Variants in DMD observed in about 807,000 individuals in gnomAD.
DMD encodes mutant dystrophin.
A neutral mutation model predicts 330.1 loss-of-function variants in DMD; 63 were observed. The observed-to-expected ratio is 0.19, with a 90% CI of 0.16 to 0.24. The LOEUF is 0.24. Ranked by LOEUF, DMD falls within the 10% of genes least tolerant of loss-of-function variation. The probability of loss-of-function intolerance (pLI) is 1.00; values close to 1 mark genes in which losing one functional copy is unlikely to be tolerated. For missense variants in DMD, 3,344 were observed against 2,684.1 expected (o/e 1.25, Z -5.43); for synonymous variants, 1,223 against 959.8 (o/e 1.27, Z -5.07).
intron 42 of DMD, among the ~76,000 whole-genome samples, chrX:32,289,736 T>C (rs1053097320): frequency 9.0e-6 from 1 of 111,612 alleles, no homozygotes; most frequent in East Asian, 2.8e-4. Flanking sequence ...TACAAATGCA[T>C]GGCAATGTCA....
intron 37 of DMD, among the ~76,000 whole-genome samples, chrX:32,356,042 A>G (rs983186356): frequency 3.6e-5 from 4 of 110,991 alleles, no homozygotes; most frequent in African/African-American, 1.3e-4. Context: ...ATATCAATGT[A>G]TTTGCATTGA....
chrX:32,628,155 T>C (rs778909188), intron 11 of DMD, among the ~76,000 whole-genome samples: 108 of 108,592 alleles, frequency 9.9e-4, no homozygotes, highest in African/African-American at 3.6e-3. Context: ...TCTAACTATA[T>C]TTTTGTACCC....
chrX:32,497,690 C>T (rs139725035), intron 19 of DMD, among the ~76,000 whole-genome samples: 248 of 111,348 alleles, frequency 2.2e-3, no homozygotes, highest in African/African-American at 7.2e-3. Flanking sequence ...TGTACTCATG[C>T]GAGAACACTG....
At chrX:31,990,156 G>GT (rs1413347616) in intron 44 of DMD, among the ~76,000 whole-genome samples, 3 of 112,255 alleles carry the variant, frequency 2.7e-5, no homozygotes, top group Non-Finnish European at 5.6e-5. Context: ...TCTTCATAAC[G>GT]TAAGTGGAAG....
intron 7 of DMD, among the ~76,000 whole-genome samples, chrX:32,701,880 C>T (rs777276938): frequency 1.5e-4 from 17 of 111,701 alleles, no homozygotes; most frequent in Non-Finnish European, 3.2e-4. Flanking sequence ...GGACTAAATG[C>T]AGCTGTTCAT....
chrX:32,327,516 T>C (rs1487325585), intron 41 of DMD, among the ~76,000 whole-genome samples: 1 of 111,531 alleles, frequency 9.0e-6, no homozygotes, highest in Non-Finnish European at 1.9e-5. Context: ...AGGTTATAAC[T>C]TTGCAAAATA....
At chrX:32,036,443 T>G (rs1249348274) in intron 44 of DMD, among the ~76,000 whole-genome samples, 1 of 111,524 alleles carries the variant, frequency 9.0e-6, no homozygotes, top group Non-Finnish European at 1.9e-5. Context: ...CAACAAAACT[T>G]AGTGATTAAT....
intron 44 of DMD, among the ~76,000 whole-genome samples, chrX:32,008,261 T>C (rs1215140112): frequency 9.0e-6 from 1 of 111,486 alleles, no homozygotes; most frequent in African/African-American, 3.3e-5. Flanking sequence ...ATAGGATACA[T>C]TTTTGCAAAT....
chrX:32,356,404 A>C (rs1013040061), intron 37 of DMD, among the ~76,000 whole-genome samples: 5 of 101,719 alleles, frequency 4.9e-5, no homozygotes, highest in Non-Finnish European at 7.9e-5. Context: ...AAAAAAAAAA[A>C]AACTTGGTAA....
At chrX:31,281,869 A>C (rs1021488172) in intron 62 of DMD, among the ~76,000 whole-genome samples, 13 of 112,126 alleles carry the variant, frequency 1.2e-4, no homozygotes, top group African/African-American at 4.2e-4. Context: ...TTAAAAGCCA[A>C]AATATTTACC....
intron 9 of DMD, among the ~76,000 whole-genome samples, chrX:32,653,221 G>C (rs1191610270): frequency 1.8e-5 from 2 of 112,044 alleles, no homozygotes; most frequent in African/African-American, 6.5e-5. Context: ...TTTTGGACAT[G>C]AAGTCCTTAC....
At chrX:32,632,549 T>A (rs67325906) in intron 11 of DMD, among the ~76,000 whole-genome samples, 11 of 112,232 alleles carry the variant, frequency 9.8e-5, no homozygotes, top group South Asian at 3.7e-4. Flanking sequence ...GGAGCAGGCT[T>A]CTGCCTGGAA....
intron 16 of DMD, among the ~76,000 whole-genome samples, chrX:32,556,828 ACTT>A (rs1018596826): frequency 9.0e-6 from 1 of 111,671 alleles, no homozygotes; most frequent in Non-Finnish European, 1.9e-5. Flanking sequence ...AGAGATTTCA[ACTT>A]CTTGCCTTTT....
intron 16 of DMD, among the ~76,000 whole-genome samples, chrX:32,551,096 C>A (rs751987982): frequency 1.8e-5 from 2 of 111,154 alleles, no homozygotes; most frequent in East Asian, 2.9e-4. Flanking sequence ...AAACCACTCC[C>A]AAAAATTGAG....
chrX:32,244,064 C>A (rs1203615957), intron 43 of DMD, among the ~76,000 whole-genome samples: 1 of 99,067 alleles, frequency 1.0e-5, no homozygotes, highest in Non-Finnish European at 2.0e-5. Context: ...ACTAACTCGT[C>A]ATCTAGCATT....
At position 32,823,433 on chromosome X, in the gene DMD, C is replaced by T. The variant is rs201023949; in HGVS notation, c.265-46G>A. On this transcript the variant is annotated intron_variant, in intron 4 of 78. Transcript: ENST00000357033. ...ACATTTGAAGGTAAGAGACCAAATGCCTAGTTGCAATAATAATAATAATAA... is the reference window on the plus strand; with the variant it reads ...ACATTTGAAGGTAAGAGACCAAATGTCTAGTTGCAATAATAATAATAATAA... The T allele has an allele frequency of 4.8e-4, 408 of 841,626 alleles. No homozygotes were observed. Among genetic ancestry groups the T allele is most frequent in the Non-Finnish European group, 6.3e-4 (354 of 563,044 alleles). 69.4% of individuals were successfully genotyped at this position (841,626 alleles called of 1,213,427 possible). A position where few individuals can be genotyped will look rare whatever the true frequency, so the allele number is the denominator to read the frequency against.
chrX:32,771,401 C>T (rs752974669), intron 7 of DMD, among the ~76,000 whole-genome samples: 39 of 110,706 alleles, frequency 3.5e-4, no homozygotes, highest in Non-Finnish European at 6.4e-4. Flanking sequence ...AAACAGAAGC[C>T]ACTACAAACC....
intron 12 of DMD, among the ~76,000 whole-genome samples, chrX:32,596,530 G>A (rs2055555789): frequency 1.1e-5 from 1 of 93,629 alleles, no homozygotes; most frequent in African/African-American, 4.6e-5. Context: ...TCCTACCTAT[G>A]TGCTACTTTT....
intron 2 of DMD, among the ~76,000 whole-genome samples, chrX:32,981,835 G>C (rs1298816053): frequency 9.0e-6 from 1 of 110,691 alleles, no homozygotes; most frequent in Non-Finnish European, 1.9e-5. Flanking sequence ...CTTAATACAA[G>C]CCTCTGCTGG....
Sources: gnomAD v4.1 joint callset for allele counts (sites outside exome capture counted in the v4.1 genomes callset) on GRCh38, gnomAD v4.1.1 for gene constraint, MANE v1.5 for transcripts, NCBI Gene and HGNC (gene_info 2026-07-23, HGNC 2026-07-21) for gene names.